The following IL1RL2 variants were observed in gnomAD, a reference collection of about 807,000 sequenced individuals.
The protein encoded by IL1RL2 is interleukin 1 receptor like 2, also known as interleukin-1 receptor-like 2.
In IL1RL2, 68 loss-of-function variants were observed where a neutral mutation model predicts 66.8. The ratio of observed to expected loss-of-function variants is 1.02; its 90% CI spans 0.84 to 1.25. The LOEUF is 1.25. IL1RL2 is among the 50% of genes most tolerant of loss of function. The pLI is 0.00. For missense variants in IL1RL2, 729 were observed against 709.3 expected, an observed-to-expected ratio of 1.03 and a Z score of -0.32; for synonymous variants, 305 against 264.6, an observed-to-expected ratio of 1.15 and a Z score of -1.48.
At chr2:102,223,264 A>G (rs1008385893) in intron 8 of IL1RL2, among the ~76,000 whole-genome samples, 11 of 152,194 alleles carry the variant, frequency 7.2e-5, no homozygotes, top group African/African-American at 2.4e-4. Context: ...GGACAGAGCT[A>G]AGGTTATAGC....
chr2:102,212,309 T>A (rs1346321120), intron 6 of IL1RL2, 135 bp downstream of exon 6: 5 of 592,630 alleles, frequency 8.4e-6, no homozygotes, highest in Non-Finnish European at 1.2e-5. Flanking sequence ...TGGATATACG[T>A]GAGCTCATGG....
chr2:102,216,112 A>C (rs955664657), intron 6 of IL1RL2, among the ~76,000 whole-genome samples: 1 of 152,254 alleles, frequency 6.6e-6, no homozygotes, highest in African/African-American at 2.4e-5. Flanking sequence ...CCAGCTAGAT[A>C]CAAGAGAATA....
Position 102,233,092 on chromosome 2 carries a change from T to C in IL1RL2, c.1265T>C (p.Phe422Ser). The change falls in exon 10 of 12, where the codon TTT becomes TCT. Residue 422 changes from phenylalanine to serine, a missense_variant. Phe to Ser is a radical substitution (Grantham distance 155). Coordinates refer to ENST00000264257, the MANE Select transcript of IL1RL2 (RefSeq NM_003854.4). Reference protein sequence around the residue: ...VLERQCGYKLFIFGRDEFPGQ... With the variant: ...VLERQCGYKLSIFGRDEFPGQ... ...GAGAGACAATGTGGATATAAGTTGT[T>C]TATATTCGGCAGAGATGAATTCCCT... 6.2e-7 allele frequency: 1 copy of C among 1,613,686 alleles called. No homozygotes were observed. The highest frequency in any genetic ancestry group is 1.3e-5 in the African/African-American group (1 of 75,032).
intron 11 of IL1RL2, chr2:102,235,612 G>C: frequency 1.0e-6 from 1 of 985,400 alleles, no homozygotes; most frequent in Non-Finnish European, 1.2e-6. Flanking sequence ...GGACATGCCC[G>C]GAAGTTTGCC....
rs182708732 is a variant in IL1RL2 at position 102,189,227 on chromosome 2, G to A, written c.210G>A (p.Gln70=). 1.9e-5 allele frequency: 31 copies of A among 1,614,104 alleles called. No individual in the cohort carries two copies. Among genetic ancestry groups the A allele is most frequent in the Non-Finnish European group, 2.5e-5 (29 of 1,180,002 alleles). Residue 70 remains glutamine (Q), a synonymous_variant, in exon 3 of 12, where the codon CAG becomes CAA. Transcript: ENST00000264257. ...AAATCCCAGTGTCCAAAATCATACA[G>A]TCTAGAATTCACCAGGACGAGACTT... The part of the protein sequence containing the change: ...SSKIPVSKII[Q]SRIHQDETWI...
At chr2:102,226,116 C>G (rs1474120932) in intron 9 of IL1RL2, 75 bp downstream of exon 9, 4 of 1,230,666 alleles carry the variant, frequency 3.3e-6, no homozygotes, top group Non-Finnish European at 4.3e-6. Flanking sequence ...TTCAAATATA[C>G]TTTGTCATAT....
At chr2:102,229,496 T>C (rs1690928876) in intron 9 of IL1RL2, among the ~76,000 whole-genome samples, 1 of 152,214 alleles carries the variant, frequency 6.6e-6, no homozygotes, top group African/African-American at 2.4e-5. Context: ...TCGCACAGTC[T>C]TGCTGGTCTC....
rs772972625 is a variant in IL1RL2, at chr2:102,226,003, G to T, written c.1097G>T (p.Trp366Leu). ...YNIFKIDIVL[W>L]YRSAFHSTET... ...ATTTTTAAGATCGACATTGTTCTTTGGTATCGAAGTGCCTTCCATTCTACA... is the reference window on the plus strand; with the variant it reads ...ATTTTTAAGATCGACATTGTTCTTTTGTATCGAAGTGCCTTCCATTCTACA... Residue 366 changes from tryptophan (W) to leucine (L), a missense_variant, in exon 9 of 12, where the codon TGG (tryptophan) becomes TTG (leucine). Physicochemically the swap from Trp to Leu is moderately conservative, Grantham distance 61. Coordinates refer to ENST00000264257, the MANE Select transcript of IL1RL2 (RefSeq NM_003854.4). 1 of 1,604,820 alleles carries T rather than the reference G, an allele frequency of 6.2e-7. No individual in the cohort carries two copies. The highest frequency in any genetic ancestry group is 8.5e-7 in the Non-Finnish European group (1 of 1,175,466).
intron 4 of IL1RL2, among the ~76,000 whole-genome samples, chr2:102,199,194 T>C (rs1292713147): frequency 1.3e-5 from 2 of 152,254 alleles, no homozygotes; most frequent in African/African-American, 4.8e-5. Context: ...TCTCAGTTTA[T>C]GGAAATAAAA....
chr2:102,202,401 A>G lies in IL1RL2; in HGVS notation c.649+686A>G, dbSNP rs34454572. Among the ~76,000 whole-genome samples the G allele has an allele frequency of 3.3e-3, 499 of 151,350 alleles. 2 individuals are homozygous for G. Among genetic ancestry groups the G allele is most frequent in the African/African-American group, 0.012 (479 of 41,346 alleles). On this transcript the variant is annotated intron_variant, in intron 5 of 11. Coordinates refer to ENST00000264257, the MANE Select transcript of IL1RL2 (RefSeq NM_003854.4). Reference sequence around the variant, plus strand: ...TAATAGGTGTATTATATATATAATAATGGGTATATGATATATTAAACACAT... The same window carrying G: ...TAATAGGTGTATTATATATATAATAGTGGGTATATGATATATTAAACACAT...
intron 4 of IL1RL2, among the ~76,000 whole-genome samples, chr2:102,200,831 T>C (rs1356942239): frequency 1.3e-5 from 2 of 151,816 alleles, no homozygotes; most frequent in Admixed American, 6.6e-5. Flanking sequence ...TTCTGGTTGG[T>C]TGGGTGTGAG....
intron 9 of IL1RL2, among the ~76,000 whole-genome samples, chr2:102,231,418 A>C (rs1221471923): frequency 6.6e-6 from 1 of 152,144 alleles, no homozygotes; most frequent in East Asian, 1.9e-4. Context: ...GAATCGCTTG[A>C]ACCTGTGAGG....
chr2:102,235,269 G>C lies in IL1RL2; in HGVS notation c.1670G>C (p.Arg557Pro). 6.2e-7 allele frequency: 1 copy of C among 1,612,540 alleles called. No homozygotes were observed. The highest frequency in any genetic ancestry group is 1.3e-5 in the African/African-American group (1 of 75,038). Residue 557 changes from arginine to proline, a missense_variant, in exon 11 of 12, where the codon CGC becomes CCC. By Grantham distance (103) the Arg-to-Pro change is moderately radical. Coordinates refer to ENST00000264257, the MANE Select transcript of IL1RL2 (RefSeq NM_003854.4). ...CTGCTGCAGCACACACCTTGCTACCGCACCGCAGGTGAGCGGGTGGGAGGA... is the reference window on the plus strand; with the variant it reads ...CTGCTGCAGCACACACCTTGCTACCCCACCGCAGGTGAGCGGGTGGGAGGA... ...VQLLQHTPCY[R>P]TAGPELGSRR...
intron 2 of IL1RL2, 101 bp from the exon 3 acceptor site, chr2:102,188,975 A>G: frequency 2.5e-6 from 2 of 808,778 alleles, no homozygotes; most frequent in Non-Finnish European, 1.9e-6. Flanking sequence ...AAAATTTCAA[A>G]TTGGCTGGAA....
intron 4 of IL1RL2, among the ~76,000 whole-genome samples, chr2:102,200,628 T>C (rs1688174427): frequency 6.6e-6 from 1 of 152,190 alleles, no homozygotes; most frequent in Non-Finnish European, 1.5e-5. Context: ...CTCAATTAGC[T>C]AAGCAGTCAC....
intron 9 of IL1RL2, among the ~76,000 whole-genome samples, chr2:102,228,744 T>C (rs898872926): frequency 6.6e-6 from 1 of 152,196 alleles, no homozygotes; most frequent in African/African-American, 2.4e-5. Context: ...CCTTTAACAA[T>C]TATTAAAGGT....
At chr2:102,231,796 C>T (rs6731042) in intron 9 of IL1RL2, among the ~76,000 whole-genome samples, 5 of 152,102 alleles carry the variant, frequency 3.3e-5, no homozygotes, top group South Asian at 2.1e-4. Flanking sequence ...CTTCTCTCAA[C>T]GGCACTGCAG....
chr2:102,204,047 C>T (rs182897889), intron 5 of IL1RL2, among the ~76,000 whole-genome samples: 1 of 152,088 alleles, frequency 6.6e-6, no homozygotes, highest in Admixed American at 6.5e-5. Context: ...CTGAGTACTG[C>T]TTTTGCTGTA....
At chr2:102,212,284 C>T in intron 6 of IL1RL2, 110 bp downstream of exon 6, 1 of 757,016 alleles carries the variant, frequency 1.3e-6, no homozygotes, top group South Asian at 1.7e-5. Flanking sequence ...CCTATACACA[C>T]CCAGTTTCCA....
Sources: gnomAD v4.1 joint callset for allele counts (sites outside exome capture counted in the v4.1 genomes callset) on GRCh38, gnomAD v4.1.1 for gene constraint, MANE v1.5 for transcripts, NCBI Gene and HGNC (gene_info 2026-07-23, HGNC 2026-07-21) for gene names.